LYRM4: variants seen among roughly 807,000 people sequenced by gnomAD.
LYRM4 encodes the protein LYR motif-containing protein 4.
A neutral mutation model predicts 11.7 loss-of-function variants in LYRM4; 9 were observed. That is an observed-to-expected ratio of 0.77 (90% confidence interval 0.46 to 1.34). The LOEUF (loss-of-function observed/expected upper bound fraction) is 1.34, where lower values mean the gene tolerates loss of function less well. Among genes scored for constraint, LYRM4 ranks in the 40% most tolerant of loss-of-function variants. LYRM4 has a pLI of 0.00. For synonymous variants in LYRM4, 42 were observed against 40.4 expected (o/e 1.04, Z -0.15); for missense variants, 133 against 112.5 (o/e 1.18, Z -0.82).
chr6:5,165,963 G>A (rs908622242), intron 2 of LYRM4, among the ~76,000 whole-genome samples: 5 of 152,172 alleles, frequency 3.3e-5, no homozygotes, highest in Admixed American at 3.3e-4. Context: ...AAGAAATTTA[G>A]ATTATTTAAG....
chr6:5,123,994 G>A (rs141203325), intron 2 of LYRM4, among the ~76,000 whole-genome samples: 151 of 152,332 alleles, frequency 9.9e-4, no homozygotes, highest in Middle Eastern at 3.4e-3. Flanking sequence ...TGGGCCTCCT[G>A]TTTTCTGGTG....
chr6:5,140,951 C>T (rs1009314691), intron 2 of LYRM4, among the ~76,000 whole-genome samples: 3 of 152,202 alleles, frequency 2.0e-5, no homozygotes, highest in African/African-American at 7.2e-5. Flanking sequence ...TCCAGTTCTA[C>T]AAGTATTCAA....
chr6:5,086,219 C>T, the LYRM4 span: 130 of 1,535,252 alleles, frequency 8.5e-5, no homozygotes, highest in Non-Finnish European at 1.0e-4. Context: ...TGCCCTGGGC[C>T]CAGGGCCGTG....
intron 1 of LYRM4, among the ~76,000 whole-genome samples, chr6:5,234,253 T>C (rs80099375): frequency 5.3e-5 from 8 of 152,358 alleles, no homozygotes; most frequent in Admixed American, 2.6e-4. Flanking sequence ...TGTTTGTGTT[T>C]AGCATCCCTA....
chr6:5,164,080 CA>C (rs1404312812), intron 2 of LYRM4, among the ~76,000 whole-genome samples: 4 of 152,162 alleles, frequency 2.6e-5, no homozygotes, highest in Non-Finnish European at 5.9e-5. Flanking sequence ...AAAAATAATA[CA>C]GGAAATACCA....
chr6:5,111,459 A>C, intron 2 of LYRM4, among the ~76,000 whole-genome samples: 1 of 152,206 alleles, frequency 6.6e-6, no homozygotes, highest in East Asian at 1.9e-4. Flanking sequence ...CATAAGAAGA[A>C]ACCTGTTCAA....
intron 1 of LYRM4, among the ~76,000 whole-genome samples, chr6:5,224,337 AT>A (rs912490192): frequency 7.2e-5 from 11 of 152,212 alleles, no homozygotes; most frequent in Non-Finnish European, 1.6e-4. Flanking sequence ...AATCAAACAA[AT>A]GAAAATTTAA....
At position 5,109,435 on chromosome 6, in the gene LYRM4, C is replaced by T. The variant is rs753376499; in HGVS notation, c.264G>A (p.Met88Ile). ...GGTCCCCGGCTTGCTAGGTCCTGGG[C>T]ATGTCTCGATTCTCAATGATCAGCT... ...TDKLIIENRD[M>I]PRT Residue 88 changes from methionine (M) to isoleucine (I), a missense_variant, in exon 3 of 3, where the codon ATG (methionine) becomes ATA (isoleucine). Coordinates refer to ENST00000330636, the MANE Select transcript of LYRM4 (RefSeq NM_020408.6). 6.2e-7 allele frequency: 1 copy of T among 1,614,104 alleles called. No homozygotes were observed. Among genetic ancestry groups the T allele is most frequent in the Non-Finnish European group, 8.5e-7 (1 of 1,179,990 alleles).
chr6:5,069,701 G>A, the LYRM4 span, among the ~76,000 whole-genome samples: 1 of 152,128 alleles, frequency 6.6e-6, no homozygotes, highest in South Asian at 2.1e-4. Flanking sequence ...GGCTGGTCTC[G>A]ATCTCCTGAC....
chr6:5,080,542 T>C, the LYRM4 span, among the ~76,000 whole-genome samples: 1 of 152,200 alleles, frequency 6.6e-6, no homozygotes, highest in African/African-American at 2.4e-5. Flanking sequence ...GGTCTACTCA[T>C]TCATAATTTT....
At chr6:5,205,412 G>A (rs961769252) in intron 2 of LYRM4, among the ~76,000 whole-genome samples, 3 of 151,920 alleles carry the variant, frequency 2.0e-5, no homozygotes, top group African/African-American at 2.4e-5. Context: ...ATACTGCAGA[G>A]GCTGGCCATA....
intron 1 of LYRM4, among the ~76,000 whole-genome samples, chr6:5,239,652 T>C (rs1763755697): frequency 6.6e-6 from 1 of 151,592 alleles, no homozygotes; most frequent in African/African-American, 2.4e-5. Context: ...TGAAGGAAAG[T>C]GACAAGAAGG....
At chr6:5,169,632 C>G (rs1051414159) in intron 2 of LYRM4, among the ~76,000 whole-genome samples, 2 of 152,122 alleles carry the variant, frequency 1.3e-5, no homozygotes, top group Non-Finnish European at 2.9e-5. Context: ...ACATATACAC[C>G]ATACACATTT....
the LYRM4 span, chr6:5,066,451 T>C: frequency 6.6e-6 from 5 of 757,538 alleles, no homozygotes; most frequent in Non-Finnish European, 4.9e-6. Flanking sequence ...ACTGCTTCTA[T>C]TCCCAAATTC....
chr6:5,178,313 T>A (rs1196132144), intron 2 of LYRM4, among the ~76,000 whole-genome samples: 3 of 152,080 alleles, frequency 2.0e-5, no homozygotes, highest in African/African-American at 7.2e-5. Context: ...AAACTAAAAC[T>A]GAAGGCCATT....
chr6:5,153,097 A>C (rs549663373), intron 2 of LYRM4, among the ~76,000 whole-genome samples: 1 of 151,984 alleles, frequency 6.6e-6, no homozygotes, highest in South Asian at 2.1e-4. Flanking sequence ...TGGTAATCTT[A>C]TTATTATTTT....
At chr6:5,160,311 C>T (rs1758675823) in intron 2 of LYRM4, among the ~76,000 whole-genome samples, 1 of 152,004 alleles carries the variant, frequency 6.6e-6, no homozygotes, top group Non-Finnish European at 1.5e-5. Context: ...AAGTGGAGAG[C>T]AGAAGGCTGA....
At chr6:5,212,707 T>C (rs1762048017) in intron 2 of LYRM4, among the ~76,000 whole-genome samples, 1 of 152,206 alleles carries the variant, frequency 6.6e-6, no homozygotes, top group African/African-American at 2.4e-5. Context: ...GAAGAATGTC[T>C]CTGCTAATTC....
chr6:5,070,175 T>C, the LYRM4 span, among the ~76,000 whole-genome samples: 1 of 152,220 alleles, frequency 6.6e-6, no homozygotes, highest in African/African-American at 2.4e-5. Context: ...TCCCAGGTGT[T>C]CTGTCTCCTA....
Sources: allele counts gnomAD v4.1 joint callset (sites outside exome capture counted in the v4.1 genomes callset), GRCh38; gene constraint gnomAD v4.1.1; transcripts MANE v1.5; gene names NCBI Gene and HGNC (gene_info 2026-07-23, HGNC 2026-07-21).